The following GPC5 variants were observed in gnomAD, a reference collection of about 807,000 sequenced individuals.
The protein encoded by GPC5 is glypican-5.
GPC5 carries 47 observed loss-of-function variants against 53.9 expected under a neutral mutation model. That is an observed-to-expected ratio of 0.87 (90% CI 0.69 to 1.11). The LOEUF is 1.11. GPC5 is among the 50% of genes most tolerant of loss of function. The pLI, the probability that GPC5 is intolerant of heterozygous loss-of-function variation, is 0.00. For synonymous variants in GPC5, 286 were observed against 263.3 expected (o/e 1.09, Z -0.84); for missense variants, 748 against 713.1 (o/e 1.05, Z -0.56).
intron 2 of GPC5, chr13:91,486,477 A>G (rs1883614929): frequency 6.6e-6 from 1 of 152,224 alleles, no homozygotes; most frequent in Non-Finnish European, 1.5e-5. Flanking sequence ...GAGACCCTAA[A>G]TAATAACACA....
At chr13:91,655,196 A>C (rs2034816338) in intron 2 of GPC5, among the ~76,000 whole-genome samples, 1 of 152,150 alleles carries the variant, frequency 6.6e-6, no homozygotes, top group Non-Finnish European at 1.5e-5. Flanking sequence ...TAAAAATAAA[A>C]TTAATGAACT....
At chr13:92,110,140 A>C (rs1348575103) in intron 6 of GPC5, among the ~76,000 whole-genome samples, 1 of 152,222 alleles carries the variant, frequency 6.6e-6, no homozygotes, top group Non-Finnish European at 1.5e-5. Context: ...CGATCGTTTC[A>C]GATGAGATTT....
chr13:92,220,066 A>T (rs1250107272), intron 7 of GPC5, among the ~76,000 whole-genome samples: 1 of 152,154 alleles, frequency 6.6e-6, no homozygotes, highest in Admixed American at 6.5e-5. Context: ...TAATTATGAC[A>T]GTTTTTGCTT....
intron 7 of GPC5, among the ~76,000 whole-genome samples, chr13:92,349,394 C>G (rs2043455696): frequency 6.6e-6 from 1 of 151,594 alleles, no homozygotes; most frequent in Admixed American, 6.6e-5. Flanking sequence ...ATTTGCCCGC[C>G]TTGGCCTCCC....
rs549274083 is a variant in GPC5 at position 92,078,945 on chromosome 13, A to C, written c.1402-65885A>C. 3.9e-4 allele frequency among the ~76,000 whole-genome samples: 60 copies of C among 152,108 alleles called. No homozygotes were observed. In the South Asian group the frequency reaches 5.0e-3, roughly 13 times the overall value. On this transcript the variant is annotated intron_variant, in intron 6 of 7. Coordinates refer to ENST00000377067, the MANE Select transcript of GPC5 (RefSeq NM_004466.6). ...ACAAACACCTGTGATTTTCCTTGAG[A>C]CCTCAGAGCTCTGTGCAGTGTCATC...
chr13:92,055,560 A>G (rs562110103), intron 6 of GPC5, among the ~76,000 whole-genome samples: 2 of 152,310 alleles, frequency 1.3e-5, no homozygotes, highest in East Asian at 3.9e-4. Context: ...TGAGATCTCA[A>G]AAGTTTAAAT....
Position 92,545,778 on chromosome 13 carries a change from T to C in GPC5, c.1562-320504T>C, listed in dbSNP as rs548503509. ...TTTTTGATGGGGTTGTTTGTTTTTT[T>C]CTTGTAAATTTGTTTGAGTTCATTG... On this transcript the variant is annotated intron_variant, in intron 7 of 7. Transcript: ENST00000377067. 1.8e-3 allele frequency among the ~76,000 whole-genome samples: 278 copies of C among 152,314 alleles called. 1 individual carries two copies. The highest frequency in any genetic ancestry group is 3.6e-3 in the Non-Finnish European group (242 of 68,036).
At chr13:91,442,890 G>A (rs1175882639) in intron 1 of GPC5, among the ~76,000 whole-genome samples, 1 of 152,098 alleles carries the variant, frequency 6.6e-6, no homozygotes, top group Non-Finnish European at 1.5e-5. Flanking sequence ...ATGAAAGGAG[G>A]CTTCTCCCAT....
intron 7 of GPC5, chr13:92,239,812 A>C (rs2139113512): frequency 3.2e-5 from 1 of 30,964 alleles, no homozygotes; most frequent in East Asian, 5.1e-4. Flanking sequence ...GCTTTTATAC[A>C]TATTAAAGTA....
intron 7 of GPC5, among the ~76,000 whole-genome samples, chr13:92,847,988 T>G (rs1050105711): frequency 2.0e-5 from 3 of 152,102 alleles, no homozygotes; most frequent in Non-Finnish European, 4.4e-5. Context: ...TTTTTAGTGG[T>G]GAAGGTAGTT....
intron 2 of GPC5, among the ~76,000 whole-genome samples, chr13:91,532,593 C>T (rs780198200): frequency 6.6e-6 from 1 of 152,100 alleles, no homozygotes; most frequent in Non-Finnish European, 1.5e-5. Context: ...AGGCCGGGCA[C>T]AGTGGTTCAC....
At chr13:92,283,395 A>G (rs899657955) in intron 7 of GPC5, among the ~76,000 whole-genome samples, 1 of 152,220 alleles carries the variant, frequency 6.6e-6, no homozygotes, top group African/African-American at 2.4e-5. Context: ...AGGGGACCTA[A>G]TAGACATCTT....
intron 2 of GPC5, among the ~76,000 whole-genome samples, chr13:91,687,993 A>T (rs2035658858): frequency 6.6e-6 from 1 of 152,052 alleles, no homozygotes; most frequent in African/African-American, 2.4e-5. Flanking sequence ...TTATATGTCT[A>T]TTACGTTTTT....
chr13:92,104,000 G>A (rs1743210422), intron 6 of GPC5, among the ~76,000 whole-genome samples: 1 of 152,058 alleles, frequency 6.6e-6, no homozygotes, highest in Non-Finnish European at 1.5e-5. Context: ...TTATAGAGCT[G>A]AAATATTAAA....
At chr13:91,470,642 T>A (rs1203601117) in intron 2 of GPC5, among the ~76,000 whole-genome samples, 1 of 152,128 alleles carries the variant, frequency 6.6e-6, no homozygotes, top group Non-Finnish European at 1.5e-5. Flanking sequence ...TTATGTGTGT[T>A]TTTCCCTTTT....
intron 7 of GPC5, among the ~76,000 whole-genome samples, chr13:92,246,525 C>G (rs1167915885): frequency 6.6e-6 from 1 of 152,084 alleles, no homozygotes; most frequent in African/African-American, 2.4e-5. Flanking sequence ...ACAAACCATC[C>G]TGTCAGTAGA....
intron 6 of GPC5, among the ~76,000 whole-genome samples, chr13:91,986,429 T>A (rs1230977347): frequency 1.3e-5 from 2 of 152,234 alleles, no homozygotes; most frequent in African/African-American, 4.8e-5. Flanking sequence ...AAACTACGAT[T>A]TAGATGAATC....
At chr13:92,063,763 C>T (rs2041142909) in intron 6 of GPC5, among the ~76,000 whole-genome samples, 1 of 151,982 alleles carries the variant, frequency 6.6e-6, no homozygotes. Context: ...GAAGGAGTTT[C>T]GGGTACCATA....
At position 91,457,013 on chromosome 13, in the gene GPC5, G is replaced by T. The variant is rs1415332716; in HGVS notation, c.325+8091G>T. Among the ~76,000 whole-genome samples, 4 of 152,042 alleles carry T rather than the reference G, an allele frequency of 2.6e-5. No individual in the cohort carries two copies. In the East Asian group the frequency reaches 7.8e-4, roughly 29 times the overall value. On this transcript the variant is annotated intron_variant, in intron 2 of 7. Transcript: ENST00000377067. ...TTGAATACATTTAAGTCTATTTTATGTGAAGAACAAAGTTACAGTAAAATT... is the reference window on the plus strand; with the variant it reads ...TTGAATACATTTAAGTCTATTTTATTTGAAGAACAAAGTTACAGTAAAATT...
Sources: allele counts gnomAD v4.1 joint callset (sites outside exome capture counted in the v4.1 genomes callset), GRCh38; gene constraint gnomAD v4.1.1; transcripts MANE v1.5; gene names NCBI Gene and HGNC (gene_info 2026-07-23, HGNC 2026-07-21).